Variants in AXL observed in about 807,000 individuals in gnomAD.
AXL encodes AXL receptor tyrosine kinase, also known as tyrosine-protein kinase receptor UFO.
AXL carries 52 observed loss-of-function variants against 104.5 expected under a neutral mutation model. That is an observed-to-expected ratio of 0.50 (90% CI 0.40 to 0.63). The LOEUF is 0.63. AXL is among the 20% of genes least tolerant of loss of function. The pLI, the probability that AXL is intolerant of heterozygous loss-of-function variation, is 0.00. For synonymous variants in AXL, 455 were observed against 473.7 expected, an observed-to-expected ratio of 0.96 and a Z score of 0.51; for missense variants, 1,024 against 1,188.5, an observed-to-expected ratio of 0.86 and a Z score of 2.04.
chr19:41,226,217 GCGGTCGGAA>G (rs1217481028), intron 4 of AXL, among the ~76,000 whole-genome samples: 1 of 152,176 alleles, frequency 6.6e-6, no homozygotes, highest in Non-Finnish European at 1.5e-5. Flanking sequence ...CAGGAATGCT[GCGGTCGGAA>G]CGGGACCCGG....
intron 14 of AXL, 98 bp from the exon 15 acceptor site, chr19:41,252,253 T>G: frequency 2.0e-6 from 2 of 1,002,386 alleles, no homozygotes; most frequent in South Asian, 1.4e-5. Context: ...TTGATGAAGA[T>G]GAGTGATGAT....
chr19:41,227,736 G>A (rs1415335773), intron 4 of AXL, among the ~76,000 whole-genome samples: 3 of 151,948 alleles, frequency 2.0e-5, no homozygotes, highest in South Asian at 2.1e-4. Context: ...TGATCCACCC[G>A]CCTCGGCCTC....
At chr19:41,237,205 T>C (rs1184507191) in intron 6 of AXL, among the ~76,000 whole-genome samples, 2 of 152,192 alleles carry the variant, frequency 1.3e-5, no homozygotes, top group Non-Finnish European at 2.9e-5. Context: ...TATAATGTCA[T>C]ATAAATGGGG....
chr19:41,222,972 C>G (rs1469046405), intron 4 of AXL, among the ~76,000 whole-genome samples: 3 of 148,178 alleles, frequency 2.0e-5, no homozygotes, highest in Non-Finnish European at 4.5e-5. Flanking sequence ...CTGGAAGGGA[C>G]AGGCCACAGT....
At chr19:41,222,113 G>C (rs1397674008) in intron 4 of AXL, 57 bp downstream of exon 4, 1 of 1,438,438 alleles carries the variant, frequency 7.0e-7, no homozygotes, top group African/African-American at 1.4e-5. Context: ...GCTGAAGTCA[G>C]GAGCAAGGGA....
At position 41,231,164 on chromosome 19, in the gene AXL, C is replaced by T. The variant is rs2033981132; in HGVS notation, c.668-19C>T. On this transcript the variant is annotated intron_variant, in intron 5 of 19. Transcript: ENST00000301178. ...TGAGCAAAGGCTCCCCAGGGTCAAT[C>T]TCTCCCGTTTGTCCACAGTGCTCCC... 1.2e-6 allele frequency: 2 copies of T among 1,610,274 alleles called. No individual in the cohort carries two copies. The highest frequency in any genetic ancestry group is 2.7e-5 in the African/African-American group (2 of 74,800).
chr19:41,230,716 T>C (rs1962145041), intron 4 of AXL, among the ~76,000 whole-genome samples: 1 of 151,992 alleles, frequency 6.6e-6, no homozygotes, highest in Non-Finnish European at 1.5e-5. Flanking sequence ...TGTGTGTCTG[T>C]GTGTGTCTGT....
intron 4 of AXL, among the ~76,000 whole-genome samples, chr19:41,225,846 G>C (rs975022523): frequency 1.3e-5 from 2 of 152,092 alleles, no homozygotes; most frequent in African/African-American, 4.8e-5. Context: ...TGTGTGTGTG[G>C]GGGGGTTTGC....
chr19:41,254,912 T>TA (rs1160996336), intron 17 of AXL, among the ~76,000 whole-genome samples: 2 of 151,618 alleles, frequency 1.3e-5, no homozygotes, highest in East Asian at 3.9e-4. Context: ...AGATCCCATC[T>TA]AAAAAAAAAT....
chr19:41,225,090 G>A (rs1227462764), intron 4 of AXL, among the ~76,000 whole-genome samples: 2 of 152,282 alleles, frequency 1.3e-5, no homozygotes, highest in South Asian at 4.1e-4. Flanking sequence ...TGTAACTTCC[G>A]CCTCCGGGGT....
rs536941409 is a variant in AXL at position 41,242,727 on chromosome 19, C to G, written c.1313-156C>G. Among the ~76,000 whole-genome samples the G allele has an allele frequency of 1.2e-4, 18 of 152,300 alleles. No individual in the cohort carries two copies. The South Asian group carries it at 3.5e-3, about 30-fold the overall frequency. ...CCATTGCATGCCCTGTCCAGCCCAG[C>G]CCATTCAGATATGTGAATGCATCCA... On this transcript the variant is annotated intron_variant, in intron 10 of 19. Coordinates refer to ENST00000301178, the MANE Select transcript of AXL (RefSeq NM_021913.5).
chr19:41,249,002 G>A (rs186155819), intron 14 of AXL, among the ~76,000 whole-genome samples, 182 bp downstream of exon 14: 4 of 152,220 alleles, frequency 2.6e-5, no homozygotes, highest in Admixed American at 6.5e-5. Flanking sequence ...GGTGGGAGAC[G>A]GGTTGAAGGA....
At chr19:41,253,820 C>A (rs2122281788) in intron 17 of AXL, 112 bp downstream of exon 17, 2 of 858,518 alleles carry the variant, frequency 2.3e-6, no homozygotes, top group South Asian at 1.5e-5. Context: ...GAGGGCAGGT[C>A]AGAACTCAGG....
Position 41,238,014 on chromosome 19 carries a change from C to T in AXL, c.854C>T (p.Ser285Leu), listed in dbSNP as rs201003955. ...GACCCCCCAGAGGAGCCCCTCACCT[C>T]GCAAGCATCCGTGCCCCCCCATCAG... is the stretch of plus-strand genomic sequence containing the variant. ...EPDPPEEPLT[S>L]QASVPPHQLR... The change falls in exon 7 of 20, where the codon TCG becomes TTG. Residue 285 changes from serine (S) to leucine (L), a missense_variant. By Grantham distance (145) the Ser-to-Leu change is moderately radical. This residue lies in a region of AXL where 332 missense variants were observed against 343.9 expected (regional missense o/e 0.97). Transcript: ENST00000301178. 7.4e-6 allele frequency: 12 copies of T among 1,613,954 alleles called. No homozygotes were observed. The highest frequency in any genetic ancestry group is 1.6e-4 in the Middle Eastern group (1 of 6,062).
rs1046496875 is a variant in AXL at position 41,256,511 on chromosome 19, A to G, written c.2096A>G (p.Asn699Ser). Residue 699 changes from asparagine (N) to serine (S), a missense_variant, in exon 18 of 20, where the codon AAT becomes AGT. Physicochemically the swap from Asn to Ser is conservative, Grantham distance 46 (BLOSUM62 1). This residue lies in a region of AXL where 523 missense variants were observed against 636.0 expected (regional missense o/e 0.82). Transcript: ENST00000301178. Reference sequence around the variant, plus strand: ...TTCGGGCTCTCCAAGAAGATCTACAATGGGGACTACTACCGCCAGGGACGT... The same window carrying G: ...TTCGGGCTCTCCAAGAAGATCTACAGTGGGGACTACTACCGCCAGGGACGT... ...ADFGLSKKIYNGDYYRQGRIA... is the reference protein window; with the variant it reads ...ADFGLSKKIYSGDYYRQGRIA... 7 of 1,613,980 alleles carry G rather than the reference A, an allele frequency of 4.3e-6. No homozygotes were observed. Among genetic ancestry groups the G allele is most frequent in the Non-Finnish European group, 5.9e-6 (7 of 1,179,982 alleles).
At position 41,257,169 on chromosome 19, in the gene AXL, G is replaced by A. The variant is rs192572978; in HGVS notation, c.2197-324G>A. Among the ~76,000 whole-genome samples, 216 of 152,076 alleles carry A rather than the reference G, an allele frequency of 1.4e-3. 1 individual carries two copies. The highest frequency in any genetic ancestry group is 2.6e-3 in the Non-Finnish European group (178 of 67,974). ...AGCAATTCTCCTGCCTCAGTCTCCC[G>A]AGTAGCTGGGATTACAGGCGCCCAC... On this transcript the variant is annotated intron_variant, in intron 18 of 19. Transcript: ENST00000301178.
intron 6 of AXL, among the ~76,000 whole-genome samples, chr19:41,234,369 C>G (rs1197408484): frequency 6.6e-6 from 1 of 152,058 alleles, no homozygotes; most frequent in Non-Finnish European, 1.5e-5. Context: ...ACCTGTAATA[C>G]TAGACCTTTG....
At chr19:41,252,647 G>A (rs1292444933) in intron 15 of AXL, among the ~76,000 whole-genome samples, 199 bp from the exon 16 acceptor site, 3 of 152,184 alleles carry the variant, frequency 2.0e-5, no homozygotes, top group Non-Finnish European at 4.4e-5. Context: ...AGGTCCCCAG[G>A]AGGGCTCCGG....
Position 41,254,132 on chromosome 19 carries a change from G to A in AXL, c.2036+424G>A, listed in dbSNP as rs578248836. On this transcript the variant is annotated intron_variant, in intron 17 of 19. Coordinates refer to ENST00000301178, the MANE Select transcript of AXL (RefSeq NM_021913.5). ...CAGAAAATATGCCAGATGGGGTGCA[G>A]TGGCTCACGCCTGTAATCCCAGCAC... 2.0e-5 allele frequency among the ~76,000 whole-genome samples: 3 copies of A among 151,976 alleles called. No individual in the cohort carries two copies. The South Asian group carries it at 6.2e-4, about 32-fold the overall frequency.
Sources: gnomAD v4.1 joint callset for allele counts (sites outside exome capture counted in the v4.1 genomes callset) on GRCh38, gnomAD v4.1.1 for gene constraint, gnomAD v4.1.1 regional missense constraint, MANE v1.5 for transcripts, NCBI Gene and HGNC (gene_info 2026-07-23, HGNC 2026-07-21) for gene names.